LUZP2: variants seen among roughly 807,000 people sequenced by gnomAD.
LUZP2 encodes leucine zipper protein 2.
A neutral mutation model predicts 51.6 loss-of-function variants in LUZP2; 52 were observed. The observed-to-expected ratio is 1.01, with a 90% CI of 0.81 to 1.27. The LOEUF (loss-of-function observed/expected upper bound fraction) is 1.27. Ranked by LOEUF, LUZP2 falls within the 50% of genes most tolerant of loss-of-function variation. The pLI is 0.00. For synonymous variants in LUZP2, 154 were observed against 137.3 expected (o/e 1.12, Z -0.85); for missense variants, 436 against 395.4 (o/e 1.10, Z -0.87).
intron 5 of LUZP2, among the ~76,000 whole-genome samples, chr11:24,839,474 A>G (rs1210234421): frequency 6.6e-6 from 1 of 151,774 alleles, no homozygotes; most frequent in African/African-American, 2.4e-5. Flanking sequence ...AATCAAGTCA[A>G]TTTATCACAT....
chr11:24,756,335 T>C (rs1206354254), intron 4 of LUZP2, among the ~76,000 whole-genome samples: 3 of 152,232 alleles, frequency 2.0e-5, no homozygotes, highest in Non-Finnish European at 4.4e-5. Context: ...TCAAGAACGA[T>C]TGTCCTCACA....
At chr11:25,023,328 T>C (rs899827985) in intron 9 of LUZP2, among the ~76,000 whole-genome samples, 1 of 152,172 alleles carries the variant, frequency 6.6e-6, no homozygotes, top group African/African-American at 2.4e-5. Context: ...CAGTCTGTTA[T>C]TGGTCTATTC....
At chr11:25,046,885 T>C (rs1381818749) in intron 9 of LUZP2, among the ~76,000 whole-genome samples, 2 of 152,192 alleles carry the variant, frequency 1.3e-5, no homozygotes, top group East Asian at 3.8e-4. Flanking sequence ...GAGACAATAA[T>C]TGTGACTGTG....
chr11:24,664,294 A>G (rs1856137109), intron 1 of LUZP2, among the ~76,000 whole-genome samples: 1 of 152,152 alleles, frequency 6.6e-6, no homozygotes, highest in South Asian at 2.1e-4. Flanking sequence ...AGAACTTTGA[A>G]TTTGAAAGAC....
rs1853887617 is a variant in LUZP2 at position 24,605,554 on chromosome 11, A to C, written c.62+108249A>C. ...TCTCTTAAGAATTATGGCATAAAATAAAAATAATTATTTTATTGAATGGAC... is the reference window on the plus strand; with the variant it reads ...TCTCTTAAGAATTATGGCATAAAATCAAAATAATTATTTTATTGAATGGAC... On this transcript the variant is annotated intron_variant, in intron 1 of 11. Transcript: ENST00000336930. 2.0e-5 allele frequency among the ~76,000 whole-genome samples: 3 copies of C among 151,764 alleles called. No individual in the cohort carries two copies. The South Asian group carries it at 6.2e-4, about 31-fold the overall frequency.
chr11:24,685,534 G>A lies in LUZP2; in HGVS notation c.63-43635G>A, dbSNP rs1302394513. Among the ~76,000 whole-genome samples the A allele has an allele frequency of 2.6e-5, 4 of 152,062 alleles. No homozygotes were observed. In the East Asian group the frequency reaches 7.7e-4, roughly 29 times the overall value. On this transcript the variant is annotated intron_variant, in intron 1 of 11. Transcript: ENST00000336930. Reference sequence around the variant, plus strand: ...GTGCTATGTCTTCTGGCTATGACAAGGTGAACATTTACTCCTCTCCCACAC... The same window carrying A: ...GTGCTATGTCTTCTGGCTATGACAAAGTGAACATTTACTCCTCTCCCACAC...
At chr11:25,053,542 CTTTTTT>C (rs35513610) in intron 10 of LUZP2, among the ~76,000 whole-genome samples, 6 of 145,100 alleles carry the variant, frequency 4.1e-5, no homozygotes, top group Admixed American at 6.8e-5. Context: ...TCCCACATGC[CTTTTTT>C]TTTTTTTTTT....
chr11:25,018,014 C>T (rs1857206430), intron 9 of LUZP2, among the ~76,000 whole-genome samples: 1 of 140,066 alleles, frequency 7.1e-6, no homozygotes, highest in Admixed American at 7.1e-5. Context: ...TAAGTATATC[C>T]CTAGGTAGGA....
chr11:25,006,937 T>G (rs369019465), intron 9 of LUZP2, among the ~76,000 whole-genome samples: 3 of 152,294 alleles, frequency 2.0e-5, no homozygotes, highest in African/African-American at 7.2e-5. Flanking sequence ...GGCCAGCTTT[T>G]ATTCCCTTAT....
intron 9 of LUZP2, among the ~76,000 whole-genome samples, chr11:25,014,372 TAA>T (rs1480639248): frequency 6.6e-6 from 1 of 152,212 alleles, no homozygotes; most frequent in African/African-American, 2.4e-5. Context: ...ACCAACAGTG[TAA>T]AAGTCTTCCT....
At chr11:24,910,113 G>T (rs1853577043) in intron 6 of LUZP2, among the ~76,000 whole-genome samples, 1 of 152,126 alleles carries the variant, frequency 6.6e-6, no homozygotes, top group East Asian at 1.9e-4. Context: ...TTTTGCCCCT[G>T]CCCTAGAGTT....
intron 5 of LUZP2, among the ~76,000 whole-genome samples, chr11:24,819,560 T>G (rs1175325588): frequency 6.6e-6 from 1 of 152,046 alleles, no homozygotes; most frequent in East Asian, 1.9e-4. Context: ...AACTTTTCTG[T>G]TTTTTGAAAT....
At chr11:24,686,116 T>A (rs768271671) in intron 1 of LUZP2, among the ~76,000 whole-genome samples, 2 of 152,164 alleles carry the variant, frequency 1.3e-5, no homozygotes, top group Non-Finnish European at 2.9e-5. Context: ...GGGGAAATTC[T>A]ATCTTAAGCT....
chr11:24,513,683 A>G (rs1348415395), intron 1 of LUZP2, among the ~76,000 whole-genome samples: 2 of 152,192 alleles, frequency 1.3e-5, no homozygotes, highest in Non-Finnish European at 2.9e-5. Context: ...TTTGGGCACT[A>G]TACTCTGATT....
rs868683578 is a variant in LUZP2, at chr11:24,719,873, G to A, written c.63-9296G>A. Among the ~76,000 whole-genome samples the A allele has an allele frequency of 5.3e-5, 8 of 152,246 alleles. No homozygotes were observed. The South Asian group carries it at 1.0e-3, about 20-fold the overall frequency. On this transcript the variant is annotated intron_variant, in intron 1 of 11. Transcript: ENST00000336930. The stretch of plus-strand genomic sequence containing the variant: ...CTCTAGGCTACTTTGCTGATAAAGC[G>A]AGATCCAGTTGCTTTCACTGATAAA...
chr11:25,023,095 T>C (rs1281191862), intron 9 of LUZP2, among the ~76,000 whole-genome samples: 9 of 152,128 alleles, frequency 5.9e-5, no homozygotes, highest in Admixed American at 5.2e-4. Context: ...TCAGGGAAAT[T>C]GGTCTGAAAT....
chr11:25,057,197 A>G (rs1033959913), intron 10 of LUZP2, among the ~76,000 whole-genome samples: 4 of 152,172 alleles, frequency 2.6e-5, no homozygotes, highest in African/African-American at 9.6e-5. Flanking sequence ...GCAGCTCTGA[A>G]GTTTTAATAC....
At chr11:24,987,660 A>C (rs764694716) in intron 9 of LUZP2, among the ~76,000 whole-genome samples, 4 of 151,988 alleles carry the variant, frequency 2.6e-5, no homozygotes, top group Non-Finnish European at 4.4e-5. Flanking sequence ...TTTCCAGGGC[A>C]GGAGGCCCTG....
chr11:24,498,978 G>A (rs531339791), intron 1 of LUZP2, among the ~76,000 whole-genome samples: 16 of 152,222 alleles, frequency 1.1e-4, no homozygotes, highest in Middle Eastern at 3.4e-3. Context: ...AGTCTCTAGC[G>A]TCCAAAGATT....
Sources: gnomAD v4.1 joint callset for allele counts (sites outside exome capture counted in the v4.1 genomes callset) on GRCh38, gnomAD v4.1.1 for gene constraint, MANE v1.5 for transcripts, NCBI Gene and HGNC (gene_info 2026-07-23, HGNC 2026-07-21) for gene names.